Variants in ABHD2 observed in about 807,000 individuals in gnomAD.
ABHD2 encodes the protein abhydrolase domain containing 2, acylglycerol lipase, also known as monoacylglycerol lipase ABHD2.
Under a neutral mutation model 48.1 loss-of-function variants are expected in ABHD2, and 20 were observed. The ratio of observed to expected loss-of-function variants is 0.42; its 90% CI spans 0.29 to 0.60. ABHD2 has a LOEUF of 0.60. ABHD2 is among the 20% of genes least tolerant of loss of function. The pLI, the probability that ABHD2 is intolerant of heterozygous loss-of-function variation, is 0.24. For synonymous variants in ABHD2, 209 were observed against 214.2 expected (o/e 0.98, Z 0.21); for missense variants, 405 against 550.9 (o/e 0.74, Z 2.65).
At chr15:89,191,218 C>T (rs2051298835) in intron 9 of ABHD2, 69 bp downstream of exon 9, 3 of 1,505,044 alleles carry the variant, frequency 2.0e-6, no homozygotes, top group South Asian at 1.2e-5. Context: ...CGACAGATAC[C>T]TCTCCTGAAT....
Position 89,201,036 on chromosome 15 carries a change from C to G in ABHD2, c.*5613C>G, listed in dbSNP as rs2051461219. 3 of 655,190 alleles carry G rather than the reference C, an allele frequency of 4.6e-6. No individual in the cohort carries two copies. Among genetic ancestry groups the G allele is most frequent in the Non-Finnish European group, 8.2e-6 (3 of 367,914 alleles). The allele number at this position is 655,190 out of a possible 1,614,324, so 40.6% of individuals were successfully genotyped here. A position where few individuals can be genotyped will look rare whatever the true frequency, so the allele number is the denominator to read the frequency against. On this transcript the variant is annotated 3_prime_UTR_variant, in exon 11 of 11. Transcript: ENST00000352732. ...GACGGAGGTTGCAGTGAGCCGAGAT[C>G]ACGCCTCTGCACTCCAGCCTGGGCA...
Position 89,201,039 on chromosome 15 carries a change from G to C in ABHD2, c.*5616G>C. On this transcript the variant is annotated 3_prime_UTR_variant, in exon 11 of 11. Transcript: ENST00000352732. The stretch of plus-strand genomic sequence containing the variant: ...GGAGGTTGCAGTGAGCCGAGATCAC[G>C]CCTCTGCACTCCAGCCTGGGCAACA... 1.5e-6 allele frequency: 1 copy of C among 670,032 alleles called. No homozygotes were observed. The allele number at this position is 670,032 out of a possible 1,614,324, so 41.5% of individuals were successfully genotyped here. A position where few individuals can be genotyped will look rare whatever the true frequency, so the allele number is the denominator to read the frequency against.
chr15:89,122,949 G>T (rs1003073442), intron 3 of ABHD2, among the ~76,000 whole-genome samples: 1 of 152,244 alleles, frequency 6.6e-6, no homozygotes, highest in Non-Finnish European at 1.5e-5. Context: ...AGCCCCTGCA[G>T]AGTCCAGAGA....
chr15:89,201,531 C>G lies in ABHD2; in HGVS notation c.*6108C>G. 3 of 1,594,630 alleles carry G rather than the reference C, an allele frequency of 1.9e-6. No homozygotes were observed. Among genetic ancestry groups the G allele is most frequent in the Non-Finnish European group, 2.6e-6 (3 of 1,162,476 alleles). ...AAATTGTACCATAAACTTGTGTTTA[C>G]TCTTTTCATTCGGATCATAGTCAAA... On this transcript the variant is annotated 3_prime_UTR_variant, in exon 11 of 11. Transcript: ENST00000352732.
chr15:89,194,825 G>C lies in ABHD2; in HGVS notation c.1082-402G>C, dbSNP rs142568634. On this transcript the variant is annotated intron_variant, in intron 10 of 10. Transcript: ENST00000352732. ...ACATTGAATCACCTGGGGAGCTTGA[G>C]CAATACCAACACTTGGGAATTCCCT... Among the ~76,000 whole-genome samples, 1,109 of 152,280 alleles carry C rather than the reference G, an allele frequency of 7.3e-3. 15 individuals carry two copies. The highest frequency in any genetic ancestry group is 0.025 in the African/African-American group (1,044 of 41,554).
chr15:89,071,829 G>A, the ABHD2 span, among the ~76,000 whole-genome samples: 6 of 152,310 alleles, frequency 3.9e-5, no homozygotes, highest in Admixed American at 6.5e-5. Context: ...CTCAATACTG[G>A]ACGATTATAA....
At chr15:89,178,921 T>G (rs1230368622) in intron 6 of ABHD2, among the ~76,000 whole-genome samples, 1 of 152,152 alleles carries the variant, frequency 6.6e-6, no homozygotes, top group Non-Finnish European at 1.5e-5. Context: ...AAGAAAGCCC[T>G]CAACAACCTT....
At chr15:89,066,751 G>C in the ABHD2 span, among the ~76,000 whole-genome samples, 1 of 152,148 alleles carries the variant, frequency 6.6e-6, no homozygotes, top group African/African-American at 2.4e-5. Context: ...TTCAGTGAAG[G>C]GTACCTGTTG....
Position 89,137,545 on chromosome 15 carries a change from C to T in ABHD2, c.195-14132C>T, listed in dbSNP as rs6496557. Among the ~76,000 whole-genome samples the T allele has an allele frequency of 0.37, 56,595 of 152,010 alleles. 11,120 individuals are homozygous for T. The highest frequency in any genetic ancestry group is 0.45 in the Non-Finnish European group (30,429 of 67,948). On this transcript the variant is annotated intron_variant, in intron 3 of 10. Transcript: ENST00000352732. The surrounding 1 kb of genome is among the most constrained non-coding windows in gnomAD (Gnocchi z 4.8). ...TCCGTCCTGTATTTAGAAACCAGTT[C>T]GGGAACGGAAGAGGATTGCTCTTTT...
upstream of ABHD2, among the ~76,000 whole-genome samples, chr15:89,083,837 T>C (rs186974885): frequency 6.6e-6 from 1 of 152,318 alleles, no homozygotes; most frequent in Admixed American, 6.5e-5. The surrounding 1 kb of genome is among the most constrained non-coding windows in gnomAD (Gnocchi z 5.1). Context: ...CATGGAACTA[T>C]TGCATGCTGG....
At position 89,137,146 on chromosome 15, in the gene ABHD2, C is replaced by A. The variant is rs546211098; in HGVS notation, c.195-14531C>A. 6.6e-6 allele frequency among the ~76,000 whole-genome samples: 1 copy of A among 152,226 alleles called. No homozygotes were observed. The highest frequency in any genetic ancestry group is 1.5e-5 in the Non-Finnish European group (1 of 68,016). On this transcript the variant is annotated intron_variant, in intron 3 of 10. Transcript: ENST00000352732. The surrounding 1 kb of genome is among the most constrained non-coding windows in gnomAD (Gnocchi z 4.8). ...CAGGGTTCCAGTGGAACCCTGGAGA[C>A]TGGAACTCTGGAGCTTCTTAATAAA...
chr15:89,169,901 G>A (rs1222727016), intron 5 of ABHD2, among the ~76,000 whole-genome samples: 1 of 151,890 alleles, frequency 6.6e-6, no homozygotes. Context: ...TAGACCCCCA[G>A]TTTTTCTCCC....
At chr15:89,152,834 T>C (rs2050615212) in intron 4 of ABHD2, among the ~76,000 whole-genome samples, 1 of 152,224 alleles carries the variant, frequency 6.6e-6, no homozygotes. Flanking sequence ...TGCTTCATAA[T>C]GAAGACTTTT....
chr15:89,061,100 G>A, the ABHD2 span, among the ~76,000 whole-genome samples: 16 of 98,836 alleles, frequency 1.6e-4, no homozygotes, highest in Admixed American at 9.7e-4. Context: ...AGGGAGGGAA[G>A]GAGGGAGGGA....
chr15:89,084,159 A>G (rs933039972), upstream of ABHD2, among the ~76,000 whole-genome samples: 2 of 151,016 alleles, frequency 1.3e-5, no homozygotes, highest in Middle Eastern at 3.2e-3. This position sits in a 1 kb window ranked among gnomAD's most constrained non-coding sequence, Gnocchi z 4.4. Context: ...TTTGGTAACC[A>G]TATTCGAAAG....
intron 3 of ABHD2, among the ~76,000 whole-genome samples, chr15:89,119,285 G>A (rs964118344): frequency 1.3e-5 from 2 of 152,140 alleles, no homozygotes; most frequent in Admixed American, 6.5e-5. Flanking sequence ...CTAAACACCC[G>A]AGCAATCTGA....
chr15:89,169,713 T>G (rs2150918470), intron 5 of ABHD2, among the ~76,000 whole-genome samples: 1 of 152,360 alleles, frequency 6.6e-6, no homozygotes, highest in African/African-American at 2.4e-5. Context: ...GTTGGGTGTC[T>G]TTAGCATTGT....
chr15:89,084,216 A>C (rs1188760513), upstream of ABHD2, among the ~76,000 whole-genome samples: 1 of 151,326 alleles, frequency 6.6e-6, no homozygotes, highest in East Asian at 1.9e-4. The surrounding 1 kb of genome is among the most constrained non-coding windows in gnomAD (Gnocchi z 4.4). Flanking sequence ...GTGTAAAAAA[A>C]AAAAAAAAAA....
rs760668758 is a variant in ABHD2 at position 89,182,216 on chromosome 15, GCAA to G, written c.723-3206_723-3204del. 2.0e-4 allele frequency among the ~76,000 whole-genome samples: 31 copies of G among 152,238 alleles called. No homozygotes were observed. Among genetic ancestry groups the G allele is most frequent in the Non-Finnish European group, 4.3e-4 (29 of 68,012 alleles). The stretch of plus-strand genomic sequence containing the variant: ...GTGATTATCACTTCTTGAGAGTTTT[GCAA>G]CTTTCAGAAAGCATCTTTCCTTTTG... On this transcript the variant is annotated intron_variant, in intron 6 of 10. Coordinates refer to ENST00000352732, the MANE Select transcript of ABHD2 (RefSeq NM_152924.5). The surrounding 1 kb of genome is among the most constrained non-coding windows in gnomAD (Gnocchi z 4.8).
Sources: gnomAD v4.1 joint callset for allele counts (sites outside exome capture counted in the v4.1 genomes callset) on GRCh38, gnomAD v4.1.1 for gene constraint, Gnocchi (gnomAD v3.1) non-coding constraint, MANE v1.5 for transcripts, NCBI Gene and HGNC (gene_info 2026-07-23, HGNC 2026-07-21) for gene names.